Variants in DOCK3 observed in about 807,000 individuals in gnomAD.
DOCK3 encodes the protein dedicator of cytokinesis 3.
Under a neutral mutation model 265.6 loss-of-function variants are expected in DOCK3, and 60 were observed. That is an observed-to-expected ratio of 0.23 (90% confidence interval 0.18 to 0.28). The LOEUF is 0.28. DOCK3 is among the 10% of genes least tolerant of loss of function. The pLI is 1.00. For synonymous variants in DOCK3, 881 were observed against 938.0 expected (o/e 0.94, Z 1.11); for missense variants, 1,981 against 2,594.3 (o/e 0.76, Z 5.14).
chr3:51,107,310 C>A (rs1241817195), intron 9 of DOCK3, among the ~76,000 whole-genome samples: 1 of 152,192 alleles, frequency 6.6e-6, no homozygotes, highest in East Asian at 1.9e-4. Flanking sequence ...TATCTTCTTT[C>A]CTCCAAACAA....
chr3:50,773,502 C>T (rs1375992462), intron 1 of DOCK3, among the ~76,000 whole-genome samples: 1 of 152,092 alleles, frequency 6.6e-6, no homozygotes, highest in African/African-American at 2.4e-5. Flanking sequence ...TGTTAATTTA[C>T]ATGTTCTTGT....
At chr3:50,682,307 C>T (rs1348247418) in intron 1 of DOCK3, among the ~76,000 whole-genome samples, 1 of 152,204 alleles carries the variant, frequency 6.6e-6, no homozygotes, top group African/African-American at 2.4e-5. Context: ...TTGTACTTAA[C>T]TCATAACTAG....
At chr3:51,153,444 C>T (rs2085706153) in intron 10 of DOCK3, among the ~76,000 whole-genome samples, 1 of 152,208 alleles carries the variant, frequency 6.6e-6, no homozygotes, top group Non-Finnish European at 1.5e-5. Flanking sequence ...GGGAAATCCC[C>T]CGACCCATTG....
chr3:51,108,821 A>G (rs2083395999), intron 9 of DOCK3, among the ~76,000 whole-genome samples: 1 of 152,258 alleles, frequency 6.6e-6, no homozygotes. Flanking sequence ...GTTCAATTCA[A>G]CAAGAAGACC....
chr3:51,316,942 C>T (rs755345627), intron 32 of DOCK3, among the ~76,000 whole-genome samples: 4 of 152,070 alleles, frequency 2.6e-5, no homozygotes, highest in Non-Finnish European at 5.9e-5. Context: ...TTTCTTAGAA[C>T]AAAAGTTTTT....
intron 1 of DOCK3, among the ~76,000 whole-genome samples, chr3:50,777,276 T>C (rs1036377667): frequency 2.6e-5 from 4 of 152,202 alleles, no homozygotes; most frequent in Non-Finnish European, 5.9e-5. Context: ...TCTGTATTTT[T>C]TTCCATTGGT....
chr3:50,869,342 A>ATTTTTTTTTTTTTTTTTTTTTTTTTT lies in DOCK3; in HGVS notation c.163-20661_163-20636dup, dbSNP rs755531254. Among the ~76,000 whole-genome samples the ATTTTTTTTTTTTTTTTTTTTTTTTTT allele has an allele frequency of 2.8e-3, 198 of 70,106 alleles. 98 individuals carry two copies. Among genetic ancestry groups the ATTTTTTTTTTTTTTTTTTTTTTTTTT allele is most frequent in the South Asian group, 4.1e-3 (8 of 1,952 alleles). The allele number at this position is 70,106 out of a possible 152,430, so 46.0% of individuals were successfully genotyped here. ...TCAATTTTATTTATTTCTGCTGGGA[A>ATTTTTTTTTTTTTTTTTTTTTTTTTT]TTTTTTTTTTTTTTTTTTTTTTTTT... On this transcript the variant is annotated intron_variant, in intron 3 of 52. Coordinates refer to ENST00000266037, the MANE Select transcript of DOCK3 (RefSeq NM_004947.5).
At position 51,361,857 on chromosome 3, in the gene DOCK3, A is replaced by T. The variant is rs2086762010; in HGVS notation, c.5007-2A>T. 6.2e-7 allele frequency: 1 copy of T among 1,612,562 alleles called. No homozygotes were observed. The highest frequency in any genetic ancestry group is 8.5e-7 in the Non-Finnish European group (1 of 1,179,134). On this transcript the variant is annotated splice_acceptor_variant, in intron 47 of 52. Transcript: ENST00000266037. LOFTEE classifies it high-confidence loss of function. The surrounding 1 kb of genome is among the most constrained non-coding windows in gnomAD (Gnocchi z 4.2). The stretch of plus-strand genomic sequence containing the variant: ...CTCCCTATTTCCCACTCTTGCTCAC[A>T]GCCCCATGAACTTGATGGGCACAGG...
chr3:50,814,450 G>A (rs1416170454), intron 2 of DOCK3, among the ~76,000 whole-genome samples: 1 of 151,168 alleles, frequency 6.6e-6, no homozygotes, highest in Admixed American at 6.6e-5. Context: ...TTTTTTGGTA[G>A]AGACAGGGTT....
chr3:50,938,422 G>A (rs1011045665), intron 5 of DOCK3, among the ~76,000 whole-genome samples: 1 of 152,042 alleles, frequency 6.6e-6, no homozygotes, highest in Non-Finnish European at 1.5e-5. Flanking sequence ...TCAACCATAG[G>A]CTCTAATTGA....
chr3:51,349,860 T>A (rs144651362), intron 39 of DOCK3, among the ~76,000 whole-genome samples: 1 of 151,916 alleles, frequency 6.6e-6, no homozygotes, highest in East Asian at 1.9e-4. Flanking sequence ...AAAATGGTGG[T>A]GAGAATTGAT....
At chr3:51,213,739 G>A (rs919311369) in intron 13 of DOCK3, among the ~76,000 whole-genome samples, 4 of 152,050 alleles carry the variant, frequency 2.6e-5, no homozygotes, top group Admixed American at 6.6e-5. Flanking sequence ...GTCTTCTTTG[G>A]TCATGTTTGT....
At chr3:50,682,269 A>G (rs1448160760) in intron 1 of DOCK3, among the ~76,000 whole-genome samples, 1 of 152,234 alleles carries the variant, frequency 6.6e-6, no homozygotes, top group Non-Finnish European at 1.5e-5. Context: ...CACTTTAGCC[A>G]AACTGAACTT....
chr3:50,809,952 T>C (rs1031239797), intron 2 of DOCK3, among the ~76,000 whole-genome samples: 1 of 151,674 alleles, frequency 6.6e-6, no homozygotes, highest in Non-Finnish European at 1.5e-5. Context: ...ACAACCTGGG[T>C]AACATAGCGA....
At chr3:51,034,598 G>A (rs1164630204) in intron 5 of DOCK3, among the ~76,000 whole-genome samples, 1 of 151,982 alleles carries the variant, frequency 6.6e-6, no homozygotes, top group African/African-American at 2.4e-5. Context: ...CCTTAAGACA[G>A]TGTTATGGTT....
chr3:51,233,350 C>CTATTTATTTATT (rs1197562744), intron 19 of DOCK3, among the ~76,000 whole-genome samples: 8 of 24,192 alleles, frequency 3.3e-4, no homozygotes, highest in African/African-American at 7.5e-4. Context: ...ATCTATCTAT[C>CTATTTATTTATT]TATCTATCTA....
chr3:51,325,486 T>C (rs1473651301), intron 32 of DOCK3, among the ~76,000 whole-genome samples: 1 of 152,156 alleles, frequency 6.6e-6, no homozygotes, highest in Non-Finnish European at 1.5e-5. Context: ...ACTTCAACCA[T>C]TGTGGAAGAC....
At chr3:51,340,485 G>A (rs768387929) in intron 37 of DOCK3, among the ~76,000 whole-genome samples, 2 of 152,216 alleles carry the variant, frequency 1.3e-5, no homozygotes, top group Non-Finnish European at 2.9e-5. Context: ...AGCTAAAACT[G>A]GAAGTGGGTC....
At chr3:50,811,429 G>A (rs965854196) in intron 2 of DOCK3, among the ~76,000 whole-genome samples, 3 of 151,868 alleles carry the variant, frequency 2.0e-5, no homozygotes, top group Non-Finnish European at 4.4e-5. Context: ...GGGAAGGAGG[G>A]AGGGAGAGAA....
Sources: allele counts gnomAD v4.1 joint callset (sites outside exome capture counted in the v4.1 genomes callset), GRCh38; gene constraint gnomAD v4.1.1; non-coding constraint Gnocchi (gnomAD v3.1); transcripts MANE v1.5; gene names NCBI Gene and HGNC (gene_info 2026-07-23, HGNC 2026-07-21).